The following CDH18 variants were observed in gnomAD, a reference collection of about 807,000 sequenced individuals.
CDH18 encodes cadherin 18.
A neutral mutation model predicts 67.9 loss-of-function variants in CDH18; 31 were observed. The observed-to-expected ratio is 0.46, with a 90% CI of 0.34 to 0.62. The LOEUF (loss-of-function observed/expected upper bound fraction) is 0.62. CDH18 is among the 20% of genes least tolerant of loss of function. CDH18 has a pLI of 0.01. For synonymous variants in CDH18, 362 were observed against 347.2 expected, an observed-to-expected ratio of 1.04 and a Z score of -0.48; for missense variants, 890 against 975.5, an observed-to-expected ratio of 0.91 and a Z score of 1.17.
At chr5:19,950,124 CTGGAA>C (rs1795651481) in intron 2 of CDH18, among the ~76,000 whole-genome samples, 1 of 151,510 alleles carries the variant, frequency 6.6e-6, no homozygotes, top group South Asian at 2.1e-4. Context: ...TGGAATACTA[CTGGAA>C]TATCACATTG....
Position 19,520,873 on chromosome 5 carries a change from T to C in CDH18, c.1391-95A>G, listed in dbSNP as rs1310106209. On this transcript the variant is annotated intron_variant, in intron 9 of 12. Transcript: ENST00000382275. The stretch of plus-strand genomic sequence containing the variant: ...CTTTAATACTGTAGCTTGTCACTGG[T>C]TCCATATGCCATAGCTGGACTTTTG... 33 of 1,338,576 alleles carry C rather than the reference T, an allele frequency of 2.5e-5. No homozygotes were observed. The East Asian group carries it at 8.0e-4, about 32-fold the overall frequency. The allele number at this position is 1,338,576 out of a possible 1,614,324, so 82.9% of individuals were successfully genotyped here.
intron 8 of CDH18, among the ~76,000 whole-genome samples, chr5:19,560,781 T>C (rs1010787004): frequency 1.3e-5 from 2 of 151,492 alleles, no homozygotes; most frequent in Non-Finnish European, 2.9e-5. Flanking sequence ...AGGACTAATA[T>C]CCAGAATCTA....
At chr5:19,995,811 T>G (rs1211573719) in intron 2 of CDH18, among the ~76,000 whole-genome samples, 1 of 152,062 alleles carries the variant, frequency 6.6e-6, no homozygotes, top group Non-Finnish European at 1.5e-5. Flanking sequence ...CTGGAAGCTT[T>G]TCATTAAAAG....
intron 5 of CDH18, among the ~76,000 whole-genome samples, chr5:19,693,177 T>C (rs534307572): frequency 1.3e-5 from 2 of 152,130 alleles, no homozygotes; most frequent in East Asian, 1.9e-4. Context: ...CTCACTTATA[T>C]GTGGGATCTA....
At chr5:19,837,114 A>G (rs1315838163) in intron 3 of CDH18, among the ~76,000 whole-genome samples, 1 of 152,192 alleles carries the variant, frequency 6.6e-6, no homozygotes, top group African/African-American at 2.4e-5. Context: ...TTGCAAGGAC[A>G]TGGATGAAGC....
intron 1 of CDH18, among the ~76,000 whole-genome samples, chr5:20,359,013 A>G (rs2150068767): frequency 6.7e-6 from 1 of 149,626 alleles, no homozygotes; most frequent in East Asian, 2.0e-4. Flanking sequence ...GCTCACCGCA[A>G]CCTCCGCCTC....
At chr5:19,553,570 A>G (rs1737834374) in intron 8 of CDH18, among the ~76,000 whole-genome samples, 1 of 148,048 alleles carries the variant, frequency 6.8e-6, no homozygotes, top group Non-Finnish European at 1.5e-5. Context: ...AGAATAATCA[A>G]TAGTTGGGAT....
At chr5:19,700,036 A>AT (rs35169294) in intron 5 of CDH18, among the ~76,000 whole-genome samples, 2 of 151,930 alleles carry the variant, frequency 1.3e-5, no homozygotes, top group Admixed American at 6.6e-5. Context: ...AATTATTACA[A>AT]TTTTTTTCTA....
intron 1 of CDH18, among the ~76,000 whole-genome samples, chr5:20,359,144 T>TATGA (rs1741882683): frequency 1.3e-5 from 2 of 152,060 alleles, no homozygotes; most frequent in Admixed American, 1.3e-4. Context: ...TTGGTCAGGC[T>TATGA]GGTCTCAAAC....
Position 19,472,838 on chromosome 5 carries a change from C to T in CDH18, c.*388G>A, listed in dbSNP as rs572065426. The T allele has an allele frequency of 6.3e-5, 11 of 174,752 alleles. No homozygotes were observed. The highest frequency in any genetic ancestry group is 1.4e-4 in the Non-Finnish European group (11 of 80,934). The allele number at this position is 174,752 out of a possible 1,614,324, so 10.8% of individuals were successfully genotyped here. ...AAGTTTCCTGTATTAGTGTTACCAC[C>T]CCTATAAGTCATAACCACCAGTGAT... On this transcript the variant is annotated 3_prime_UTR_variant, in exon 13 of 13. Coordinates refer to ENST00000382275, the MANE Select transcript of CDH18 (RefSeq NM_004934.5).
intron 9 of CDH18, among the ~76,000 whole-genome samples, chr5:19,540,444 G>C (rs1750081184): frequency 6.6e-6 from 1 of 152,072 alleles, no homozygotes; most frequent in Non-Finnish European, 1.5e-5. Context: ...AGCTCCACTA[G>C]GCAGCGCCCC....
intron 2 of CDH18, among the ~76,000 whole-genome samples, chr5:20,049,448 C>CCA (rs1580122644): frequency 6.6e-6 from 1 of 151,126 alleles, no homozygotes; most frequent in East Asian, 1.9e-4. Flanking sequence ...ACAACAAACC[C>CCA]CCATGACATG....
Position 19,783,784 on chromosome 5 carries a change from T to G in CDH18, c.229-36548A>C, listed in dbSNP as rs559552856. The stretch of plus-strand genomic sequence containing the variant: ...CTGACATTGAGTACTAACTATTAAT[T>G]CTCATTTATATTCTATAAGACAAGA... On this transcript the variant is annotated intron_variant, in intron 3 of 12. Coordinates refer to ENST00000382275, the MANE Select transcript of CDH18 (RefSeq NM_004934.5). Among the ~76,000 whole-genome samples, 6 of 152,278 alleles carry G rather than the reference T, an allele frequency of 3.9e-5. No homozygotes were observed. In the East Asian group the frequency reaches 1.2e-3, roughly 29 times the overall value.
chr5:20,285,150 C>T (rs570897769), intron 1 of CDH18, among the ~76,000 whole-genome samples: 1 of 151,546 alleles, frequency 6.6e-6, no homozygotes, highest in South Asian at 2.1e-4. Context: ...ATACAGTTTA[C>T]AGATTCCACC....
intron 2 of CDH18, among the ~76,000 whole-genome samples, chr5:20,015,522 A>T (rs143920130): frequency 7.8e-4 from 119 of 152,304 alleles, no homozygotes; most frequent in South Asian, 2.7e-3. Flanking sequence ...CTCATGGCCA[A>T]GAAAAATGGG....
At chr5:19,686,672 G>A (rs765569168) in intron 5 of CDH18, among the ~76,000 whole-genome samples, 32 of 152,032 alleles carry the variant, frequency 2.1e-4, no homozygotes, top group African/African-American at 9.7e-5. Flanking sequence ...TTTGTGTTCC[G>A]CAACTGTGGA....
At chr5:20,363,370 A>T (rs886435719) in intron 1 of CDH18, among the ~76,000 whole-genome samples, 2 of 150,836 alleles carry the variant, frequency 1.3e-5, no homozygotes, top group African/African-American at 4.9e-5. Flanking sequence ...CTGTAATCCC[A>T]GCTACTTGGA....
intron 2 of CDH18, among the ~76,000 whole-genome samples, chr5:20,118,881 A>AT (rs1440373375): frequency 4.6e-5 from 7 of 152,162 alleles, no homozygotes; most frequent in Middle Eastern, 6.3e-3. Context: ...CTGTCTGGAA[A>AT]TTGTGTTGTA....
intron 9 of CDH18, among the ~76,000 whole-genome samples, chr5:19,543,099 G>A (rs1411407333): frequency 2.6e-5 from 4 of 151,680 alleles, no homozygotes; most frequent in African/African-American, 4.8e-5. Flanking sequence ...TAACCTCTTC[G>A]TACACTTTTA....
Sources: allele counts gnomAD v4.1 joint callset (sites outside exome capture counted in the v4.1 genomes callset), GRCh38; gene constraint gnomAD v4.1.1; transcripts MANE v1.5; gene names NCBI Gene and HGNC (gene_info 2026-07-23, HGNC 2026-07-21).